Variants in GFRA1 observed in about 807,000 individuals in gnomAD.
GFRA1 encodes GDNF family receptor alpha 1.
GFRA1 carries 16 observed loss-of-function variants against 51.6 expected under a neutral mutation model. That is an observed-to-expected ratio of 0.31 (90% confidence interval 0.21 to 0.47). GFRA1 has a LOEUF of 0.47. Among genes scored for constraint, GFRA1 ranks in the 20% least tolerant of loss-of-function variants. The pLI is 1.00. For missense variants in GFRA1, 530 were observed against 594.3 expected (o/e 0.89, Z 1.13); for synonymous variants, 270 against 241.3 (o/e 1.12, Z -1.10).
intron 6 of GFRA1, among the ~76,000 whole-genome samples, chr10:116,105,802 C>T (rs534115622): frequency 6.6e-6 from 1 of 152,256 alleles, no homozygotes; most frequent in South Asian, 2.1e-4. Context: ...AAATTAAAAA[C>T]AAGATAGATG....
Position 116,271,063 on chromosome 10 carries a change from T to A in GFRA1, c.93A>T (p.Lys31Asn), listed in dbSNP as rs781417708. The change falls in exon 3 of 11, where the codon AAA becomes AAT. Residue 31 changes from lysine (K) to asparagine (N), a missense_variant. Physicochemically the swap from Lys to Asn is moderately conservative, Grantham distance 94. Transcript: ENST00000355422. Reference sequence around the variant, plus strand: ...GCTCCTTCAGGCACTGATCACTGGCTTTCACGCAATCCAGGCGGTCTCCGC... The same window carrying A: ...GCTCCTTCAGGCACTGATCACTGGCATTCACGCAATCCAGGCGGTCTCCGC... ...VSGGDRLDCV[K>N]ASDQCLKEQS... 91 of 1,612,732 alleles carry A rather than the reference T, an allele frequency of 5.6e-5. No individual in the cohort carries two copies. The highest frequency in any genetic ancestry group is 7.7e-5 in the Non-Finnish European group (91 of 1,178,948).
At chr10:116,128,008 AT>A (rs1957946221) in intron 5 of GFRA1, among the ~76,000 whole-genome samples, 1 of 152,194 alleles carries the variant, frequency 6.6e-6, no homozygotes, top group South Asian at 2.1e-4. Context: ...ACAGAGCTAG[AT>A]TAATACTTCA....
intron 4 of GFRA1, among the ~76,000 whole-genome samples, chr10:116,229,225 G>A (rs1001105119): frequency 1.3e-5 from 2 of 152,056 alleles, no homozygotes; most frequent in African/African-American, 4.8e-5. Flanking sequence ...TTAATACACT[G>A]GTTATACACA....
chr10:116,126,322 C>A (rs1957874295), intron 5 of GFRA1, among the ~76,000 whole-genome samples: 1 of 152,216 alleles, frequency 6.6e-6, no homozygotes, highest in African/African-American at 2.4e-5. Context: ...GCCTTCTGCC[C>A]AAGCCCTGTG....
intron 9 of GFRA1, among the ~76,000 whole-genome samples, chr10:116,066,584 G>C (rs1040930468): frequency 1.3e-5 from 2 of 152,122 alleles, no homozygotes; most frequent in Non-Finnish European, 2.9e-5. Flanking sequence ...ACTTTACAAA[G>C]GAAAACAGAG....
At chr10:116,227,065 T>C (rs948344393) in intron 4 of GFRA1, among the ~76,000 whole-genome samples, 40 of 152,138 alleles carry the variant, frequency 2.6e-4, no homozygotes, top group African/African-American at 9.2e-4. Context: ...GGTTGGGAAC[T>C]CCTGCTCTAA....
chr10:116,226,278 G>T (rs559699165), intron 4 of GFRA1, among the ~76,000 whole-genome samples: 1 of 152,158 alleles, frequency 6.6e-6, no homozygotes, highest in South Asian at 2.1e-4. Context: ...ATACTGGCAT[G>T]TCCCAAGTCC....
intron 4 of GFRA1, among the ~76,000 whole-genome samples, chr10:116,267,731 C>T (rs75571831): frequency 0.23 from 34,260 of 151,940 alleles, 4,104 homozygotes; most frequent in South Asian, 0.4. Flanking sequence ...TCTACAGATC[C>T]GCTCCCAGGA....
Position 116,064,525 on chromosome 10 carries a change from C to T in GFRA1, c.1271G>A (p.Gly424Asp), listed in dbSNP as rs747338729. The T allele has an allele frequency of 1.9e-6, 3 of 1,613,258 alleles. No individual in the cohort carries two copies. The highest frequency in any genetic ancestry group is 2.5e-6 in the Non-Finnish European group (3 of 1,179,398). ...GGTTATGTGGCTGGAAGCACCGAGA[C>T]CTTCTTTTTCATAATTACCCTGTAA... ...CISNGNYEKEGLGASSHITTK... is the reference protein window; with the variant it reads ...CISNGNYEKEDLGASSHITTK... The change falls in exon 11 of 11, where the codon GGT (glycine) becomes GAT (aspartate). Residue 424 changes from glycine to aspartate, a missense_variant. Physicochemically the swap from Gly to Asp is moderately conservative, Grantham distance 94. Coordinates refer to ENST00000355422, the MANE Select transcript of GFRA1 (RefSeq NM_005264.8).
intron 7 of GFRA1, among the ~76,000 whole-genome samples, chr10:116,094,961 G>A (rs1043088885): frequency 6.6e-6 from 1 of 152,202 alleles, no homozygotes; most frequent in African/African-American, 2.4e-5. Context: ...GCCTTGTCCA[G>A]AAAGAAGTTG....
At chr10:116,258,445 TAA>T (rs1289858796) in intron 4 of GFRA1, among the ~76,000 whole-genome samples, 2 of 147,854 alleles carry the variant, frequency 1.4e-5, no homozygotes, top group Non-Finnish European at 3.0e-5. Flanking sequence ...ATAAAATATA[TAA>T]TATATAATGT....
intron 6 of GFRA1, among the ~76,000 whole-genome samples, chr10:116,116,825 T>C (rs1476977320): frequency 6.6e-6 from 1 of 152,220 alleles, no homozygotes; most frequent in Non-Finnish European, 1.5e-5. Context: ...TTTTAAACGA[T>C]GCTAAGAGGC....
rs138595559 is a variant in GFRA1 at position 116,112,327 on chromosome 10, G to A, written c.770+12894C>T. On this transcript the variant is annotated intron_variant, in intron 6 of 10. Transcript: ENST00000355422. ...AATTCCGACTGCTGGGTGCTTCCCG[G>A]GACCTGAAACTTCCAGCTTGCCGGC... Among the ~76,000 whole-genome samples, 477 of 152,250 alleles carry A rather than the reference G, an allele frequency of 3.1e-3. 3 individuals carry two copies. Among genetic ancestry groups the A allele is most frequent in the African/African-American group, 0.011 (461 of 41,550 alleles).
chr10:116,171,776 T>C (rs1319602029), intron 5 of GFRA1, among the ~76,000 whole-genome samples: 1 of 152,146 alleles, frequency 6.6e-6, no homozygotes, highest in African/African-American at 2.4e-5. Flanking sequence ...AGTCATCGGT[T>C]TCACCTGCCA....
At chr10:116,159,798 A>C (rs972759199) in intron 5 of GFRA1, among the ~76,000 whole-genome samples, 2 of 152,186 alleles carry the variant, frequency 1.3e-5, no homozygotes, top group Non-Finnish European at 2.9e-5. Context: ...AAGGGATAGC[A>C]CATCTCCCTT....
intron 5 of GFRA1, among the ~76,000 whole-genome samples, chr10:116,127,074 T>C (rs1207028414): frequency 1.4e-5 from 2 of 145,404 alleles, no homozygotes; most frequent in Non-Finnish European, 3.0e-5. Flanking sequence ...AGTGGAATGA[T>C]GGTTGCCAGG....
At chr10:116,103,913 C>T (rs1956909056) in intron 6 of GFRA1, among the ~76,000 whole-genome samples, 1 of 152,188 alleles carries the variant, frequency 6.6e-6, no homozygotes. Flanking sequence ...GCTGTCTGGG[C>T]TGTGCATCTG....
At chr10:116,136,880 G>C (rs1040482027) in intron 5 of GFRA1, among the ~76,000 whole-genome samples, 15 of 152,206 alleles carry the variant, frequency 9.9e-5, no homozygotes, top group African/African-American at 3.1e-4. Context: ...ATGCTCAGGA[G>C]TAGAAAATAA....
intron 5 of GFRA1, among the ~76,000 whole-genome samples, chr10:116,165,663 T>TCACA (rs71475174): frequency 0.45 from 44,772 of 98,926 alleles, 7,313 homozygotes; most frequent in South Asian, 0.57. Flanking sequence ...TTTCTCTCAC[T>TCACA]CTCACACACA....
Sources: allele counts gnomAD v4.1 joint callset (sites outside exome capture counted in the v4.1 genomes callset), GRCh38; gene constraint gnomAD v4.1.1; transcripts MANE v1.5; gene names NCBI Gene and HGNC (gene_info 2026-07-23, HGNC 2026-07-21).